ECH1: variants seen among roughly 807,000 people sequenced by gnomAD.
ECH1 encodes the protein enoyl-CoA hydratase 1.
ECH1 carries 30 observed loss-of-function variants against 37.0 expected under a neutral mutation model. The ratio of observed to expected loss-of-function variants is 0.81; its 90% CI spans 0.61 to 1.10. The LOEUF (loss-of-function observed/expected upper bound fraction) is 1.10. Among genes scored for constraint, ECH1 ranks in the 50% least tolerant of loss-of-function variants. The pLI is 0.00. For synonymous variants in ECH1, 178 were observed against 176.0 expected (o/e 1.01, Z -0.09); for missense variants, 456 against 441.6 (o/e 1.03, Z -0.29).
At chr19:38,818,728 C>G (rs1204946288) in intron 3 of ECH1, among the ~76,000 whole-genome samples, 1 of 152,166 alleles carries the variant, frequency 6.6e-6, no homozygotes, top group East Asian at 1.9e-4. Context: ...CCTTGTGATC[C>G]ACCCACCTCG....
In ECH1 at chr19:38,831,181, G is replaced by A. The variant is rs375238176; in HGVS notation, c.261-15C>T. ...CTACCATCTCTCTGTGAAGCAACGAGTGAAGGGTTACAAATGGGGCGGGAA... is the reference window on the plus strand; with the variant it reads ...CTACCATCTCTCTGTGAAGCAACGAATGAAGGGTTACAAATGGGGCGGGAA... On this transcript the variant is annotated splice_polypyrimidine_tract_variant and intron_variant, in intron 2 of 9. Coordinates refer to ENST00000221418, the MANE Select transcript of ECH1 (RefSeq NM_001398.3). The A allele has an allele frequency of 1.2e-6, 2 of 1,614,030 alleles. No individual in the cohort carries two copies. The highest frequency in any genetic ancestry group is 1.1e-5 in the South Asian group (1 of 91,086).
At position 38,831,621 on chromosome 19, in the gene ECH1, G is replaced by A. The variant is rs541046048; in HGVS notation, c.52+100C>T. The A allele has an allele frequency of 2.5e-6, 4 of 1,570,390 alleles. No individual in the cohort carries two copies. The Admixed American group carries it at 5.5e-5, about 22-fold the overall frequency. On this transcript the variant is annotated intron_variant, in intron 1 of 9. Transcript: ENST00000221418. ...AGCACACGCACCCCTGAATTTAGGG[G>A]ACTCGGGCCCTTCGTGACCCCGGAT...
At chr19:38,818,258 G>A in intron 3 of ECH1, 1 of 985,418 alleles carries the variant, frequency 1.0e-6, no homozygotes, top group Non-Finnish European at 1.2e-6. Context: ...TGCAGCGTGA[G>A]CAATGCAGTC....
intron 5 of ECH1, 25 bp downstream of exon 5, chr19:38,817,291 A>G: frequency 6.5e-7 from 1 of 1,537,104 alleles, no homozygotes; most frequent in Non-Finnish European, 8.8e-7. Flanking sequence ...GGAGCACCCG[A>G]GCAGGAGGAT....
At position 38,815,839 on chromosome 19, in the gene ECH1, T is replaced by TCGGAG. The variant is rs777560195; in HGVS notation, c.882+13_882+17dup. 7 of 1,613,906 alleles carry TCGGAG rather than the reference T, an allele frequency of 4.3e-6. No homozygotes were observed. In the African/African-American group the frequency reaches 9.3e-5, roughly 22 times the overall value. ...GGGGTTAGAGGAGGGCTGTGATTGGTCGGAGCGTGCACCTTACCACGTAGT... is the reference window on the plus strand; with the variant it reads ...GGGGTTAGAGGAGGGCTGTGATTGGTCGGAGCGGAGCGTGCACCTTACCACGTAGT... On this transcript the variant is annotated intron_variant, in intron 9 of 9. Transcript: ENST00000221418.
chr19:38,817,667 A>T lies in ECH1; in HGVS notation c.350-92T>A, dbSNP rs191315969. 13 of 1,455,354 alleles carry T rather than the reference A, an allele frequency of 8.9e-6. No individual in the cohort carries two copies. In the African/African-American group the frequency reaches 1.7e-4, roughly 19 times the overall value. 90.2% of individuals were successfully genotyped at this position (1,455,354 alleles called of 1,614,324 possible). On this transcript the variant is annotated intron_variant, in intron 3 of 9. Transcript: ENST00000221418. ...CAGAACCCAGGCACAGCAGGTTCGAACCCCCAAACCACCAAGGCGGAAAAA... is the reference window on the plus strand; with the variant it reads ...CAGAACCCAGGCACAGCAGGTTCGATCCCCCAAACCACCAAGGCGGAAAAA...
chr19:38,815,917 G>T lies in ECH1; in HGVS notation c.822C>A (p.Ser274Arg). 6.2e-7 allele frequency: 1 copy of T among 1,614,196 alleles called. No individual in the cohort carries two copies. The highest frequency in any genetic ancestry group is 8.5e-7 in the Non-Finnish European group (1 of 1,180,036). The change falls in exon 9 of 10, where the codon AGC becomes AGA. Residue 274 changes from serine (S) to arginine (R), a missense_variant. Ser to Arg is a moderately radical substitution (Grantham distance 110). Coordinates refer to ENST00000221418, the MANE Select transcript of ECH1 (RefSeq NM_001398.3). ...GGGAATACAGCAGGTTGACCTTGGT[G>T]CTCTGCACCGCCACGGGGCTCTTGC... ...ISSKSPVAVQ[S>R]TKVNLLYSRD...
In ECH1 at chr19:38,831,418, G is replaced by A. The variant is rs1036756845; in HGVS notation, c.151C>T (p.Pro51Ser). ...EASGVALGEA[P>S]DHSYESLRVT... Reference sequence around the variant, plus strand: ...CGAAGGGACTCATAGCTGTGGTCTGGGGCTTCACCGAGGGCTACTCCGGAA... The same window carrying A: ...CGAAGGGACTCATAGCTGTGGTCTGAGGCTTCACCGAGGGCTACTCCGGAA... The change falls in exon 2 of 10, where the codon CCA becomes TCA. Residue 51 changes from proline to serine, a missense_variant. By Grantham distance (74) the Pro-to-Ser change is moderately conservative. Coordinates refer to ENST00000221418, the MANE Select transcript of ECH1 (RefSeq NM_001398.3). 5.0e-6 allele frequency: 8 copies of A among 1,613,914 alleles called. No homozygotes were observed. The highest frequency in any genetic ancestry group is 6.8e-6 in the Non-Finnish European group (8 of 1,180,028).
intron 3 of ECH1, among the ~76,000 whole-genome samples, chr19:38,828,290 G>A (rs1462660159): frequency 2.0e-5 from 3 of 152,116 alleles, no homozygotes; most frequent in African/African-American, 7.2e-5. Context: ...GGAGTGCAAT[G>A]GCGTGATGTA....
chr19:38,816,036 G>A (rs1971570407), intron 8 of ECH1, 29 bp from the exon 9 acceptor site: 32 of 1,610,024 alleles, frequency 2.0e-5, no homozygotes, highest in Non-Finnish European at 2.6e-5. Flanking sequence ...GGGACCGGGT[G>A]GGCTGGGAAG....
At chr19:38,824,536 AT>A (rs562226891) in intron 3 of ECH1, among the ~76,000 whole-genome samples, 2 of 151,848 alleles carry the variant, frequency 1.3e-5, no homozygotes, top group African/African-American at 4.8e-5. Context: ...GAGGAGGCTC[AT>A]TTTTTTTCTG....
chr19:38,816,398 G>C, intron 7 of ECH1, 43 bp from the exon 8 acceptor site: 1 of 1,613,912 alleles, frequency 6.2e-7, no homozygotes. Context: ...GCCACCCCGG[G>C]GCTGGGAGAT....
At chr19:38,816,377 AG>A (rs745979802) in intron 7 of ECH1, 22 bp from the exon 8 acceptor site, 4 of 1,613,816 alleles carry the variant, frequency 2.5e-6, no homozygotes, top group Non-Finnish European at 3.4e-6. Flanking sequence ...AGCGTGCATC[AG>A]GAGGCGGCTG....
rs149775416 is a variant in ECH1 at position 38,821,572 on chromosome 19, G to A, written c.350-3997C>T. 5.3e-5 allele frequency among the ~76,000 whole-genome samples: 8 copies of A among 152,284 alleles called. No individual in the cohort carries two copies. The East Asian group carries it at 9.7e-4, about 18-fold the overall frequency. The stretch of plus-strand genomic sequence containing the variant: ...GCAAGTTCCGGGTGGGTGTGAGCTC[G>A]GCGACCCCGCACTCGGAGTGGTGGG... On this transcript the variant is annotated intron_variant, in intron 3 of 9. Coordinates refer to ENST00000221418, the MANE Select transcript of ECH1 (RefSeq NM_001398.3).
chr19:38,822,897 A>G (rs981090490), intron 3 of ECH1: 1 of 152,756 alleles, frequency 6.5e-6, no homozygotes, highest in Non-Finnish European at 1.5e-5. Context: ...TGCTCTTTGC[A>G]ATAAATCTTG....
chr19:38,818,127 G>A (rs61148075), intron 3 of ECH1: 100,383 of 756,844 alleles, frequency 0.13, 7,120 homozygotes, highest in South Asian at 0.28. Context: ...CAAAGCACTG[G>A]GATTACACGT....
chr19:38,827,936 C>A (rs1258670938), intron 3 of ECH1, among the ~76,000 whole-genome samples: 3 of 152,138 alleles, frequency 2.0e-5, no homozygotes, highest in African/African-American at 4.8e-5. Context: ...AGAAGCCAGG[C>A]ACAGTGGTTC....
At position 38,821,082 on chromosome 19, in the gene ECH1, C is replaced by T. The variant is rs368766849; in HGVS notation, c.350-3507G>A. 9.9e-5 allele frequency among the ~76,000 whole-genome samples: 15 copies of T among 152,246 alleles called. No homozygotes were observed. In the South Asian group the frequency reaches 1.9e-3, roughly 19 times the overall value. On this transcript the variant is annotated intron_variant, in intron 3 of 9. Transcript: ENST00000221418. ...TCGCTTTAGATCAGGGGTTCGAGAC[C>T]AGCCTGGGCAACATAGCAAGCCCTG... is the stretch of plus-strand genomic sequence containing the variant.
intron 7 of ECH1, 27 bp from the exon 8 acceptor site, chr19:38,816,382 G>A (rs1971576490): frequency 6.2e-7 from 1 of 1,613,832 alleles, no homozygotes; most frequent in Non-Finnish European, 8.5e-7. Context: ...GCATCAGGAG[G>A]CGGCTGCCAC....
Sources: gnomAD v4.1 joint callset for allele counts (sites outside exome capture counted in the v4.1 genomes callset) on GRCh38, gnomAD v4.1.1 for gene constraint, MANE v1.5 for transcripts, NCBI Gene and HGNC (gene_info 2026-07-23, HGNC 2026-07-21) for gene names.